The following CNOT10 variants were observed in gnomAD, a reference collection of about 807,000 sequenced individuals.
CNOT10 encodes the protein CCR4-NOT transcription complex subunit 10, also known as CCR4-NOT transcription complex, subunit 10.
CNOT10 carries 30 observed loss-of-function variants against 94.6 expected under a neutral mutation model. The ratio of observed to expected loss-of-function variants is 0.32; its 90% CI spans 0.24 to 0.43. The LOEUF (loss-of-function observed/expected upper bound fraction) is 0.43, where lower values mean the gene tolerates loss of function less well. CNOT10 is among the 20% of genes least tolerant of loss of function. The probability of loss-of-function intolerance (pLI) is 1.00; values close to 1 mark genes in which losing one functional copy is unlikely to be tolerated. For missense variants in CNOT10, 759 were observed against 877.2 expected, an observed-to-expected ratio of 0.87 and a Z score of 1.70; for synonymous variants, 289 against 301.6, an observed-to-expected ratio of 0.96 and a Z score of 0.43.
intron 1 of CNOT10, among the ~76,000 whole-genome samples, chr3:32,689,279 G>A (rs1366204764): frequency 6.6e-6 from 1 of 151,856 alleles, no homozygotes; most frequent in Non-Finnish European, 1.5e-5. Context: ...CTTGAACCCA[G>A]GTGGCAGAGG....
chr3:32,766,874 G>C (rs1482636142), intron 17 of CNOT10, among the ~76,000 whole-genome samples: 1 of 152,128 alleles, frequency 6.6e-6, no homozygotes, highest in Non-Finnish European at 1.5e-5. Context: ...AGGGGACTGG[G>C]TACCACCATT....
At chr3:32,741,052 T>G (rs12634822) in intron 13 of CNOT10, among the ~76,000 whole-genome samples, 19,822 of 151,970 alleles carry the variant, frequency 0.13, 1,423 homozygotes, top group South Asian at 0.19. Flanking sequence ...TGCCCTCTTA[T>G]AGCCATACCC....
intron 17 of CNOT10, 41 bp from the exon 18 acceptor site, chr3:32,769,846 G>A: frequency 6.6e-7 from 1 of 1,519,444 alleles, no homozygotes; most frequent in Non-Finnish European, 9.1e-7. Flanking sequence ...TGTATCTTAA[G>A]CTTTTGTTTT....
chr3:32,697,880 A>G (rs887161257), intron 1 of CNOT10, among the ~76,000 whole-genome samples: 19 of 152,306 alleles, frequency 1.2e-4, no homozygotes, highest in African/African-American at 4.6e-4. Flanking sequence ...ACATTTTTTA[A>G]AATGTTAGGT....
rs1325246713 is a variant in CNOT10 at position 32,725,523 on chromosome 3, A to C, written c.936A>C (p.Gly312=). The change falls in exon 9 of 19, where the codon GGA becomes GGC. Residue 312 remains glycine, a synonymous_variant. Transcript: ENST00000328834. ...IHFAMSKHNL[G]IFYFKKALQE... ...TTGCCATGAGCAAGCACAATTTGGG[A>C]ATATTCTACTTTAAAAAGGCTCTGC... 5.0e-6 allele frequency: 8 copies of C among 1,613,938 alleles called. No individual in the cohort carries two copies. Among genetic ancestry groups the C allele is most frequent in the Non-Finnish European group, 6.8e-6 (8 of 1,179,794 alleles).
At position 32,757,170 on chromosome 3, in the gene CNOT10, A is replaced by ATTTTTTTTTTTTTTTT. The variant is rs1173513009; in HGVS notation, c.1596-2277_1596-2262dup. ...TGTCATTCACATAGGCCCTGAACTA[A>ATTTTTTTTTTTTTTTT]TTTTTTTTTTTTTTTTTTTTTTTTT... On this transcript the variant is annotated intron_variant, in intron 13 of 18. Transcript: ENST00000328834. Among the ~76,000 whole-genome samples, 4 of 78,294 alleles carry ATTTTTTTTTTTTTTTT rather than the reference A, an allele frequency of 5.1e-5. 1 individual carries two copies. Among genetic ancestry groups the ATTTTTTTTTTTTTTTT allele is most frequent in the African/African-American group, 2.2e-4 (4 of 18,018 alleles). The allele number at this position is 78,294 out of a possible 152,430, so 51.4% of individuals were successfully genotyped here.
At chr3:32,695,943 AAAT>A (rs1273507841) in intron 1 of CNOT10, 3 of 759,208 alleles carry the variant, frequency 4.0e-6, no homozygotes, top group Non-Finnish European at 6.3e-6. Context: ...TACACAAGGA[AAAT>A]AAAAATAATC....
intron 1 of CNOT10, among the ~76,000 whole-genome samples, chr3:32,691,587 C>T (rs1053723262): frequency 6.6e-6 from 1 of 152,126 alleles, no homozygotes; most frequent in Non-Finnish European, 1.5e-5. Flanking sequence ...TGTGAGCCAA[C>T]ACACCTGGCT....
intron 1 of CNOT10, among the ~76,000 whole-genome samples, chr3:32,691,810 C>G (rs1330213366): frequency 6.6e-6 from 1 of 151,688 alleles, no homozygotes; most frequent in Non-Finnish European, 1.5e-5. Flanking sequence ...AATCCCAGCA[C>G]TTTGGGAGTC....
intron 13 of CNOT10, among the ~76,000 whole-genome samples, chr3:32,740,351 C>G (rs545853247): frequency 3.3e-5 from 5 of 151,918 alleles, no homozygotes; most frequent in Non-Finnish European, 7.4e-5. Context: ...CCCAGCTATT[C>G]GAGAGGCTGA....
chr3:32,757,282 C>T (rs552426407), intron 13 of CNOT10, among the ~76,000 whole-genome samples: 17 of 131,908 alleles, frequency 1.3e-4, no homozygotes, highest in Non-Finnish European at 2.0e-4. Flanking sequence ...CAGGTTCAAG[C>T]GATTCTCCTG....
rs1210535038 is a variant in CNOT10, at chr3:32,727,701, T to C, written c.1046T>C (p.Leu349Ser). ...KKFSGRPMCT[L>S]LTNKRYELLY... Reference sequence around the variant, plus strand: ...TTTTCAGGAAGACCCATGTGTACGTTACTAACCAATAAGAGATATGAGTTG... The same window carrying C: ...TTTTCAGGAAGACCCATGTGTACGTCACTAACCAATAAGAGATATGAGTTG... Residue 349 changes from leucine to serine, a missense_variant, in exon 10 of 19, where the codon TTA becomes TCA. Leu to Ser is a moderately radical substitution (Grantham distance 145). Transcript: ENST00000328834. The C allele has an allele frequency of 1.2e-6, 2 of 1,614,058 alleles. No homozygotes were observed. Among genetic ancestry groups the C allele is most frequent in the South Asian group, 1.1e-5 (1 of 91,066 alleles).
chr3:32,698,006 C>A (rs551528487), intron 1 of CNOT10, among the ~76,000 whole-genome samples: 3 of 152,212 alleles, frequency 2.0e-5, no homozygotes, highest in African/African-American at 7.2e-5. Context: ...TTATAACTTG[C>A]CTTCTGAGGT....
At chr3:32,726,694 C>CATAATAATA (rs55674577) in intron 9 of CNOT10, among the ~76,000 whole-genome samples, 13 of 141,768 alleles carry the variant, frequency 9.2e-5, no homozygotes, top group African/African-American at 1.6e-4. Flanking sequence ...AGACTCTGTC[C>CATAATAATA]ATAATAATAA....
intron 13 of CNOT10, among the ~76,000 whole-genome samples, chr3:32,738,731 G>C (rs1456232710): frequency 6.6e-6 from 1 of 151,846 alleles, no homozygotes; most frequent in Non-Finnish European, 1.5e-5. Context: ...CAAAGTGCTG[G>C]GTTTACAGGC....
At chr3:32,735,577 G>A (rs978883099) in intron 12 of CNOT10, among the ~76,000 whole-genome samples, 47 of 151,328 alleles carry the variant, frequency 3.1e-4, no homozygotes, top group Middle Eastern at 3.2e-3. Flanking sequence ...CGTGGTGGTG[G>A]GCACCTATAA....
intron 7 of CNOT10, among the ~76,000 whole-genome samples, chr3:32,718,748 A>G (rs1698240613): frequency 6.6e-6 from 1 of 152,134 alleles, no homozygotes. Flanking sequence ...TTTAGTGACC[A>G]GAACTTTGGG....
At chr3:32,759,911 G>A (rs1700370996) in intron 14 of CNOT10, among the ~76,000 whole-genome samples, 1 of 151,966 alleles carries the variant, frequency 6.6e-6, no homozygotes, top group African/African-American at 2.4e-5. Flanking sequence ...GACCAGGCAC[G>A]GTGGCTCACG....
chr3:32,758,799 A>C lies in CNOT10; in HGVS notation c.1596-659A>C, dbSNP rs956939522. On this transcript the variant is annotated intron_variant, in intron 13 of 18. Transcript: ENST00000328834. ...AATATTATAGAAACTTAGATTTCCA[A>C]TCCAACTTAGCGAAATCAATGTAAC... 2.6e-5 allele frequency among the ~76,000 whole-genome samples: 4 copies of C among 152,196 alleles called. No homozygotes were observed. In the East Asian group the frequency reaches 7.7e-4, roughly 29 times the overall value.
Sources: gnomAD v4.1 joint callset for allele counts (sites outside exome capture counted in the v4.1 genomes callset) on GRCh38, gnomAD v4.1.1 for gene constraint, MANE v1.5 for transcripts, NCBI Gene and HGNC (gene_info 2026-07-23, HGNC 2026-07-21) for gene names.